Variants in SULF1 observed in about 807,000 individuals in gnomAD.
The protein encoded by SULF1 is sulfatase 1, also known as extracellular sulfatase Sulf-1.
Under a neutral mutation model 110.5 loss-of-function variants are expected in SULF1, and 46 were observed. The ratio of observed to expected loss-of-function variants is 0.42; its 90% CI spans 0.33 to 0.53. The LOEUF (loss-of-function observed/expected upper bound fraction) is 0.53, where lower values mean the gene tolerates loss of function less well. Among genes scored for constraint, SULF1 ranks in the 20% least tolerant of loss-of-function variants. SULF1 has a pLI of 0.12. For synonymous variants in SULF1, 371 were observed against 387.1 expected, an observed-to-expected ratio of 0.96 and a Z score of 0.49; for missense variants, 941 against 1,094.2, an observed-to-expected ratio of 0.86 and a Z score of 1.98.
chr8:69,638,727 A>C lies in SULF1; in HGVS notation c.2428-8A>C. On this transcript the variant is annotated splice_region_variant and splice_polypyrimidine_tract_variant and intron_variant, in intron 20 of 22. Coordinates refer to ENST00000402687, the MANE Select transcript of SULF1 (RefSeq NM_001128205.2). ...AGCTTAAATAGATTGTCCTGTCTGC[A>C]TTCACAGCTCACAAATACAGTGCAC... The C allele has an allele frequency of 6.2e-7, 1 of 1,613,708 alleles. No homozygotes were observed. Among genetic ancestry groups the C allele is most frequent in the Non-Finnish European group, 8.5e-7 (1 of 1,179,942 alleles).
chr8:69,568,344 A>G (rs1444111700), intron 5 of SULF1, among the ~76,000 whole-genome samples: 1 of 152,242 alleles, frequency 6.6e-6, no homozygotes, highest in African/African-American at 2.4e-5. Flanking sequence ...ATCAAAGTTT[A>G]TAAAATCGAG....
chr8:69,589,121 C>T lies in SULF1; in HGVS notation c.714C>T (p.Tyr238=), dbSNP rs1806682438. The stretch of plus-strand genomic sequence containing the variant: ...CAGCCCCACAGTTTTCTAAACTGTA[C>T]CCCAATGCTTCCCAACACATGTAAG... The part of the protein sequence containing the change: ...EDSAPQFSKL[Y]PNASQHITPS... Residue 238 remains tyrosine (Y), a synonymous_variant, in exon 8 of 23, where the codon TAC becomes TAT. Transcript: ENST00000402687. The T allele has an allele frequency of 6.2e-7, 1 of 1,613,858 alleles. No homozygotes were observed.
In SULF1 at chr8:69,582,549, G is replaced by A. The variant is rs117250938; in HGVS notation, c.413-3808G>A. The stretch of plus-strand genomic sequence containing the variant: ...TTATTATCACCATAGTGGCTTTGCA[G>A]AAGGGGAGTTGGGGGAGGGAGAAGT... On this transcript the variant is annotated intron_variant, in intron 6 of 22. Coordinates refer to ENST00000402687, the MANE Select transcript of SULF1 (RefSeq NM_001128205.2). Among the ~76,000 whole-genome samples, 608 of 152,292 alleles carry A rather than the reference G, an allele frequency of 4.0e-3. 5 individuals carry two copies. The highest frequency in any genetic ancestry group is 6.0e-3 in the Non-Finnish European group (407 of 68,024).
At position 69,564,038 on chromosome 8, in the gene SULF1, CT is replaced by C; in HGVS notation, c.64del (p.Cys22ValfsTer42). ...TGGGCACAGAATTGCTGGGAAGCCT[CT>C]GTTCGACTGTCAGATCCCCGAGGTT... is the stretch of plus-strand genomic sequence containing the variant. ...VLGTELLGSL[C>X]STVRSPRFRG... On this transcript the variant is annotated frameshift_variant, in exon 5 of 23. Transcript: ENST00000402687. LOFTEE classifies it high-confidence loss of function. 1 of 1,614,210 alleles carries C rather than the reference CT, an allele frequency of 6.2e-7. No individual in the cohort carries two copies. The highest frequency in any genetic ancestry group is 1.1e-5 in the South Asian group (1 of 91,080).
chr8:69,540,631 T>C (rs1164232991), intron 3 of SULF1, among the ~76,000 whole-genome samples: 1 of 152,224 alleles, frequency 6.6e-6, no homozygotes, highest in Admixed American at 6.5e-5. Flanking sequence ...TGACAGCGTT[T>C]CCTGCCTTCT....
In SULF1 at chr8:69,627,763, G is replaced by A. The variant is rs747633476; in HGVS notation, c.1948-9G>A. On this transcript the variant is annotated splice_polypyrimidine_tract_variant and intron_variant, in intron 16 of 22. Transcript: ENST00000402687. ...TTAATACGTAAGTGCTTGAAAACAT[G>A]TTTTCCAGATTGAAGCTCTGCAAGA... 4 of 1,585,484 alleles carry A rather than the reference G, an allele frequency of 2.5e-6. No homozygotes were observed. The Admixed American group carries it at 5.2e-5, about 21-fold the overall frequency.
At chr8:69,510,844 T>G (rs1290296044) in intron 3 of SULF1, among the ~76,000 whole-genome samples, 1 of 151,948 alleles carries the variant, frequency 6.6e-6, no homozygotes, top group Non-Finnish European at 1.5e-5. Flanking sequence ...CTCGAACTCC[T>G]GACCTCAAGT....
At chr8:69,471,410 A>G (rs894772759) in intron 1 of SULF1, among the ~76,000 whole-genome samples, 1 of 152,190 alleles carries the variant, frequency 6.6e-6, no homozygotes, top group Non-Finnish European at 1.5e-5. Context: ...GAAAAAAAAA[A>G]AAATGAAACT....
chr8:69,626,183 G>T lies in SULF1; in HGVS notation c.1851-1027G>T, dbSNP rs55923625. 6 of 41,194 alleles carry T rather than the reference G, an allele frequency of 1.5e-4. 2 individuals are homozygous for T. Among genetic ancestry groups the T allele is most frequent in the African/African-American group, 5.2e-4 (6 of 11,508 alleles). 2.6% of individuals were successfully genotyped at this position (41,194 alleles called of 1,614,324 possible). A position where few individuals can be genotyped will look rare whatever the true frequency, so the allele number is the denominator to read the frequency against. On this transcript the variant is annotated intron_variant, in intron 15 of 22. Transcript: ENST00000402687. ...CACCAGAGCAGCTAGATACAGTGTC[G>T]ATTGGTGCAGTCACAAACCTTGAAC...
chr8:69,633,843 A>C (rs1185388704), intron 19 of SULF1, among the ~76,000 whole-genome samples: 3 of 151,936 alleles, frequency 2.0e-5, no homozygotes, highest in African/African-American at 7.3e-5. Context: ...TACACTTTTA[A>C]ATGTCTGTCC....
At chr8:69,631,297 G>T (rs1193929686) in intron 19 of SULF1, among the ~76,000 whole-genome samples, 1 of 152,168 alleles carries the variant, frequency 6.6e-6, no homozygotes, top group Non-Finnish European at 1.5e-5. Context: ...TTTATCATCT[G>T]AGTTGAGGCC....
chr8:69,620,670 T>C (rs1179807780), intron 13 of SULF1, among the ~76,000 whole-genome samples: 1 of 152,230 alleles, frequency 6.6e-6, no homozygotes, highest in African/African-American at 2.4e-5. Flanking sequence ...AAGAGGGGTC[T>C]GGTGAAAGCA....
intron 1 of SULF1, among the ~76,000 whole-genome samples, chr8:69,494,938 G>A (rs1405035004): frequency 6.6e-6 from 1 of 151,986 alleles, no homozygotes; most frequent in Non-Finnish European, 1.5e-5. Flanking sequence ...GAGAACTGCT[G>A]GGGGCACTGA....
intron 3 of SULF1, among the ~76,000 whole-genome samples, chr8:69,546,685 A>G (rs529752098): frequency 9.2e-4 from 140 of 152,214 alleles, no homozygotes; most frequent in Non-Finnish European, 1.3e-3. Context: ...ATTTACTCTG[A>G]GCTATTTTGT....
rs756057847 is a variant in SULF1 at position 69,588,984 on chromosome 8, G to A, written c.577G>A (p.Asp193Asn). 6 of 1,613,388 alleles carry A rather than the reference G, an allele frequency of 3.7e-6. No individual in the cohort carries two copies. Among genetic ancestry groups the A allele is most frequent in the Non-Finnish European group, 5.1e-6 (6 of 1,179,464 alleles). The part of the protein sequence containing the change: ...GFDYAKDYFT[D>N]LITNESINYF... ...ATGTATGTTTCAGGACTACTTCACA[G>A]ACTTAATCACTAACGAGAGCATTAA... is the stretch of plus-strand genomic sequence containing the variant. Residue 193 changes from aspartate (D) to asparagine (N), a missense_variant, in exon 8 of 23, where the codon GAC becomes AAC. By Grantham distance (23) the Asp-to-Asn change is conservative. Transcript: ENST00000402687.
chr8:69,595,060 G>A (rs77943386), intron 8 of SULF1, among the ~76,000 whole-genome samples: 1,665 of 152,222 alleles, frequency 0.011, 32 homozygotes, highest in African/African-American at 0.038. Context: ...TAGCTGACAT[G>A]AAAACATTTT....
At chr8:69,537,260 T>C (rs376656797) in intron 3 of SULF1, among the ~76,000 whole-genome samples, 6 of 152,296 alleles carry the variant, frequency 3.9e-5, no homozygotes, top group South Asian at 4.1e-4. Context: ...TGACAGCATC[T>C]GGTACACAGT....
intron 3 of SULF1, among the ~76,000 whole-genome samples, chr8:69,529,738 A>C (rs1812955113): frequency 6.6e-6 from 1 of 152,200 alleles, no homozygotes; most frequent in African/African-American, 2.4e-5. Flanking sequence ...ATTCCTTGCC[A>C]TGTGGACCTC....
intron 13 of SULF1, among the ~76,000 whole-genome samples, chr8:69,616,310 C>G (rs1809141703): frequency 6.6e-6 from 1 of 151,782 alleles, no homozygotes; most frequent in Admixed American, 6.6e-5. Flanking sequence ...ACCTCTGCCT[C>G]TCAGGTTCAA....
Sources: gnomAD v4.1 joint callset for allele counts (sites outside exome capture counted in the v4.1 genomes callset) on GRCh38, gnomAD v4.1.1 for gene constraint, MANE v1.5 for transcripts, NCBI Gene and HGNC (gene_info 2026-07-23, HGNC 2026-07-21) for gene names.